MYO5B: variants seen among roughly 807,000 people sequenced by gnomAD.
The protein encoded by MYO5B is unconventional myosin-Vb.
A neutral mutation model predicts 229.3 loss-of-function variants in MYO5B; 143 were observed. The ratio of observed to expected loss-of-function variants is 0.62; its 90% CI spans 0.54 to 0.72. The LOEUF (loss-of-function observed/expected upper bound fraction) is 0.72, where lower values mean the gene tolerates loss of function less well. MYO5B is among the 30% of genes least tolerant of loss of function. MYO5B has a pLI of 0.00. For missense variants in MYO5B, 2,321 were observed against 2,331.0 expected (o/e 1.00, Z 0.09); for synonymous variants, 918 against 885.2 (o/e 1.04, Z -0.66).
intron 26 of MYO5B, among the ~76,000 whole-genome samples, chr18:49,874,411 T>C (rs747225030): frequency 1.9e-4 from 29 of 152,176 alleles, no homozygotes; most frequent in Non-Finnish European, 3.7e-4. Context: ...TAGATTTGAT[T>C]TGCACTTGCC....
chr18:49,968,929 C>T lies in MYO5B; in HGVS notation c.1322+5421G>A, dbSNP rs544154075. 2.6e-5 allele frequency among the ~76,000 whole-genome samples: 4 copies of T among 152,316 alleles called. No homozygotes were observed. The South Asian group carries it at 8.3e-4, about 32-fold the overall frequency. The stretch of plus-strand genomic sequence containing the variant: ...GAACTTCATCTGAGCCTTGGAAGCA[C>T]ACAGTGGTGTCAGGCTCCAGGCACA... On this transcript the variant is annotated intron_variant, in intron 10 of 39. Transcript: ENST00000285039.
At chr18:50,159,099 A>G (rs1381126949) in intron 1 of MYO5B, among the ~76,000 whole-genome samples, 4 of 152,176 alleles carry the variant, frequency 2.6e-5, no homozygotes, top group Non-Finnish European at 4.4e-5. Context: ...AGAGAAGTCA[A>G]ACAGGTTTGT....
intron 4 of MYO5B, among the ~76,000 whole-genome samples, chr18:50,007,386 A>G (rs1427127792): frequency 6.6e-6 from 1 of 152,018 alleles, no homozygotes; most frequent in Non-Finnish European, 1.5e-5. Context: ...CACCATCATC[A>G]TCTCTGGCAT....
intron 1 of MYO5B, among the ~76,000 whole-genome samples, chr18:50,168,121 AT>A (rs2032878863): frequency 6.6e-6 from 1 of 152,210 alleles, no homozygotes; most frequent in Admixed American, 6.5e-5. Flanking sequence ...TAGATTGCTA[AT>A]TAAAATATAA....
Position 49,902,581 on chromosome 18 carries a change from T to A in MYO5B, c.2811+13A>T. 6.2e-7 allele frequency: 1 copy of A among 1,610,162 alleles called. No homozygotes were observed. The stretch of plus-strand genomic sequence containing the variant: ...AGCCCCCGACACCCAGGTAGGGAGC[T>A]GCAGACACTGACCTGCTCATCGATC... On this transcript the variant is annotated intron_variant, in intron 21 of 39. Transcript: ENST00000285039.
chr18:49,997,213 A>G (rs1158917481), intron 5 of MYO5B, among the ~76,000 whole-genome samples: 1 of 143,690 alleles, frequency 7.0e-6, no homozygotes, highest in Non-Finnish European at 1.5e-5. Context: ...GACTGCAGTG[A>G]TCGTGTTCAT....
intron 4 of MYO5B, among the ~76,000 whole-genome samples, chr18:50,033,210 T>C (rs534477965): frequency 6.6e-6 from 1 of 152,238 alleles, no homozygotes; most frequent in African/African-American, 2.4e-5. Context: ...TCCTAGTGAG[T>C]GCAAGGCAGT....
At chr18:49,843,175 G>A in intron 34 of MYO5B, 66 bp downstream of exon 34, 1 of 1,598,014 alleles carries the variant, frequency 6.3e-7, no homozygotes, top group Non-Finnish European at 8.6e-7. Context: ...ACACAGAGAA[G>A]CAACAGTAAG....
chr18:49,910,255 G>C (rs1227108355), intron 18 of MYO5B, among the ~76,000 whole-genome samples: 1 of 152,160 alleles, frequency 6.6e-6, no homozygotes, highest in Admixed American at 6.5e-5. Context: ...GACTCAGCCA[G>C]TCTGATCCGG....
rs557591842 is a variant in MYO5B, at chr18:49,870,150, A to G, written c.3603+2017T>C. Among the ~76,000 whole-genome samples, 12 of 152,300 alleles carry G rather than the reference A, an allele frequency of 7.9e-5. No homozygotes were observed. The South Asian group carries it at 1.7e-3, about 21-fold the overall frequency. On this transcript the variant is annotated intron_variant, in intron 27 of 39. Coordinates refer to ENST00000285039, the MANE Select transcript of MYO5B (RefSeq NM_001080467.3). ...AAGTAAGTCTAATCAATAACTCCAG[A>G]AGGAGATCTCTATGACACACCCTCC...
chr18:49,987,753 C>T (rs534284508), intron 7 of MYO5B, among the ~76,000 whole-genome samples: 138 of 152,176 alleles, frequency 9.1e-4, no homozygotes, highest in African/African-American at 2.0e-3. Flanking sequence ...AAGGAATTTA[C>T]TTCTTATCCC....
At chr18:50,097,274 T>C (rs1214817948) in intron 1 of MYO5B, 1 of 456,570 alleles carries the variant, frequency 2.2e-6, no homozygotes, top group African/African-American at 2.0e-5. Flanking sequence ...GCATGCTGGC[T>C]TGTGCTAGTG....
At chr18:49,904,920 T>A in intron 19 of MYO5B, 92 bp from the exon 20 acceptor site, 1 of 1,481,362 alleles carries the variant, frequency 6.8e-7, no homozygotes, top group Non-Finnish European at 9.2e-7. Context: ...TGCAAACCTC[T>A]CCCTCTGTGG....
At chr18:50,004,057 C>T (rs16951386) in intron 4 of MYO5B, among the ~76,000 whole-genome samples, 15 of 152,228 alleles carry the variant, frequency 9.9e-5, no homozygotes, top group East Asian at 7.7e-4. Flanking sequence ...TGTTCACCTA[C>T]GGCATCAATA....
chr18:49,892,247 G>A (rs1787618), intron 22 of MYO5B, among the ~76,000 whole-genome samples: 77,934 of 152,108 alleles, frequency 0.51, 20,175 homozygotes, highest in Middle Eastern at 0.62. Flanking sequence ...GGACTACCCC[G>A]TGGAAGCGCC....
intron 9 of MYO5B, among the ~76,000 whole-genome samples, chr18:49,979,177 A>T (rs968355595): frequency 3.3e-5 from 5 of 152,180 alleles, no homozygotes; most frequent in Admixed American, 2.6e-4. Context: ...CACTGCTGCC[A>T]ACTCCACTGT....
chr18:50,168,826 A>T (rs2032889783), intron 1 of MYO5B, among the ~76,000 whole-genome samples: 1 of 128,434 alleles, frequency 7.8e-6, no homozygotes, highest in Non-Finnish European at 1.7e-5. Flanking sequence ...ACTTTCATAA[A>T]TTCACATATC....
At chr18:49,851,252 C>T (rs929691856) in intron 31 of MYO5B, among the ~76,000 whole-genome samples, 2 of 152,116 alleles carry the variant, frequency 1.3e-5, no homozygotes, top group Admixed American at 6.5e-5. Flanking sequence ...ATACCCCTCC[C>T]GAAATGCTCA....
At chr18:50,029,281 G>A (rs1192689768) in intron 4 of MYO5B, among the ~76,000 whole-genome samples, 1 of 152,178 alleles carries the variant, frequency 6.6e-6, no homozygotes, top group Non-Finnish European at 1.5e-5. Flanking sequence ...ACCCAGGTGA[G>A]CAGGGAAGAA....
Sources: gnomAD v4.1 joint callset for allele counts (sites outside exome capture counted in the v4.1 genomes callset) on GRCh38, gnomAD v4.1.1 for gene constraint, MANE v1.5 for transcripts, NCBI Gene and HGNC (gene_info 2026-07-23, HGNC 2026-07-21) for gene names.